The following SMARCAL1 variants were observed in gnomAD, a reference collection of about 807,000 sequenced individuals.
SMARCAL1 encodes SNF2 related chromatin remodeling annealing helicase 1, also known as ATP-driven annealing helicase.
Under a neutral mutation model 94.5 loss-of-function variants are expected in SMARCAL1, and 58 were observed. The observed-to-expected ratio is 0.61, with a 90% CI of 0.50 to 0.76. SMARCAL1 has a LOEUF of 0.76. Ranked by LOEUF, SMARCAL1 falls within the 30% of genes least tolerant of loss-of-function variation. The pLI, the probability that SMARCAL1 is intolerant of heterozygous loss-of-function variation, is 0.00. For missense variants in SMARCAL1, 1,051 were observed against 1,177.9 expected (o/e 0.89, Z 1.58); for synonymous variants, 422 against 455.1 (o/e 0.93, Z 0.93).
At chr2:216,461,085 TG>T (rs1307700014) in intron 12 of SMARCAL1, among the ~76,000 whole-genome samples, 1 of 151,682 alleles carries the variant, frequency 6.6e-6, no homozygotes, top group Non-Finnish European at 1.5e-5. Context: ...TGTGTGTGTG[TG>T]TGTGTATGTG....
chr2:216,451,173 C>T, intron 12 of SMARCAL1, 109 bp downstream of exon 12: 2 of 894,008 alleles, frequency 2.2e-6, no homozygotes, highest in East Asian at 2.6e-5. Flanking sequence ...CTTTCTGTAA[C>T]CTTTTCCCTC....
intron 10 of SMARCAL1, among the ~76,000 whole-genome samples, chr2:216,445,476 A>G (rs1694290154): frequency 6.6e-6 from 1 of 152,060 alleles, no homozygotes; most frequent in African/African-American, 2.4e-5. Flanking sequence ...CTGACAGAAG[A>G]CCCTGGAGTT....
At chr2:216,438,057 C>A (rs935694711) in intron 9 of SMARCAL1, among the ~76,000 whole-genome samples, 7 of 152,232 alleles carry the variant, frequency 4.6e-5, no homozygotes, top group African/African-American at 1.4e-4. Flanking sequence ...GTGCAGGGCC[C>A]ATTATGGGGC....
At chr2:216,431,838 G>A (rs1693970633) in intron 7 of SMARCAL1, among the ~76,000 whole-genome samples, 1 of 152,174 alleles carries the variant, frequency 6.6e-6, no homozygotes, top group Admixed American at 6.5e-5. Context: ...AAAACTCAGT[G>A]CTGAGGTTGG....
intron 12 of SMARCAL1, chr2:216,451,343 C>A: frequency 2.2e-6 from 1 of 449,816 alleles, no homozygotes; most frequent in Non-Finnish European, 4.1e-6. Context: ...ATCAATATTC[C>A]GAATCCCTCA....
At chr2:216,442,321 G>A (rs1694214828) in intron 10 of SMARCAL1, among the ~76,000 whole-genome samples, 1 of 151,698 alleles carries the variant, frequency 6.6e-6, no homozygotes, top group Admixed American at 6.6e-5. Context: ...GGAGGCTGAG[G>A]TGGGAGAATC....
At chr2:216,415,650 AT>A in intron 3 of SMARCAL1, 135 bp downstream of exon 3, 1 of 850,954 alleles carries the variant, frequency 1.2e-6, no homozygotes, top group African/African-American at 1.7e-5. Flanking sequence ...AAATTTTTCA[AT>A]TTTAGCTTGT....
At chr2:216,463,420 G>A (rs1242264216) in intron 12 of SMARCAL1, among the ~76,000 whole-genome samples, 1 of 152,148 alleles carries the variant, frequency 6.6e-6, no homozygotes, top group East Asian at 1.9e-4. Flanking sequence ...AGGGCGGAAG[G>A]AACAAAGAGG....
In SMARCAL1 at chr2:216,467,865, T is replaced by C. The variant is rs571144553; in HGVS notation, c.2142-79T>C. The C allele has an allele frequency of 5.7e-6, 5 of 876,904 alleles. No individual in the cohort carries two copies. The East Asian group carries it at 9.9e-5, about 17-fold the overall frequency. 54.3% of individuals were successfully genotyped at this position (876,904 alleles called of 1,614,324 possible). Reference sequence around the variant, plus strand: ...CTTCTATGATCCCAGATAATAAGAATGTTTCAGTAACATACCAGAGACACA... The same window carrying C: ...CTTCTATGATCCCAGATAATAAGAACGTTTCAGTAACATACCAGAGACACA... On this transcript the variant is annotated intron_variant, in intron 13 of 17. Coordinates refer to ENST00000357276, the MANE Select transcript of SMARCAL1 (RefSeq NM_014140.4).
intron 4 of SMARCAL1, among the ~76,000 whole-genome samples, chr2:216,417,203 A>G (rs1693621500): frequency 6.6e-6 from 1 of 152,184 alleles, no homozygotes; most frequent in Non-Finnish European, 1.5e-5. Flanking sequence ...CAGTGATGGG[A>G]CAGCTCCCTG....
rs902897268 is a variant in SMARCAL1 at position 216,475,923 on chromosome 2, G to A, written c.2427+472G>A. Among the ~76,000 whole-genome samples, 1 of 151,938 alleles carries A rather than the reference G, an allele frequency of 6.6e-6. No individual in the cohort carries two copies. Among genetic ancestry groups the A allele is most frequent in the Non-Finnish European group, 1.5e-5 (1 of 68,002 alleles). On this transcript the variant is annotated intron_variant, in intron 15 of 17. Coordinates refer to ENST00000357276, the MANE Select transcript of SMARCAL1 (RefSeq NM_014140.4). This position sits in a 1 kb window ranked among gnomAD's most constrained non-coding sequence, Gnocchi z 4.4. ...AAGTTAGGGCACCGAGAGCTCAAGGGGTGAGGCAGGACTGCACTGCCATAA... is the reference window on the plus strand; with the variant it reads ...AAGTTAGGGCACCGAGAGCTCAAGGAGTGAGGCAGGACTGCACTGCCATAA...
chr2:216,477,212 A>G lies in SMARCAL1; in HGVS notation c.2528+3A>G. On this transcript the variant is annotated splice_donor_region_variant and intron_variant, in intron 16 of 17. Coordinates refer to ENST00000357276, the MANE Select transcript of SMARCAL1 (RefSeq NM_014140.4). ...GGCACAGCTGATGACTACCTTTGGT[A>G]TGGCTTGGTTGGGTGGCCTGGCAGT... 6.3e-7 allele frequency: 1 copy of G among 1,580,990 alleles called. No individual in the cohort carries two copies. The highest frequency in any genetic ancestry group is 8.6e-7 in the Non-Finnish European group (1 of 1,162,318).
chr2:216,481,386 G>T (rs1385026647), intron 17 of SMARCAL1, among the ~76,000 whole-genome samples: 1 of 152,110 alleles, frequency 6.6e-6, no homozygotes, highest in Non-Finnish European at 1.5e-5. Context: ...GATAGAGATG[G>T]GGTTTTGCCA....
intron 16 of SMARCAL1, among the ~76,000 whole-genome samples, chr2:216,477,776 C>T (rs1277484516): frequency 6.6e-6 from 1 of 152,126 alleles, no homozygotes; most frequent in East Asian, 1.9e-4. Flanking sequence ...CTTCCTGATA[C>T]AAAATTTCTT....
intron 14 of SMARCAL1, among the ~76,000 whole-genome samples, chr2:216,473,682 CA>C (rs1330057986): frequency 1.3e-5 from 2 of 151,678 alleles, no homozygotes; most frequent in African/African-American, 4.8e-5. Context: ...CCATACACAT[CA>C]AAAAAAGAGA....
chr2:216,435,477 C>T lies in SMARCAL1; in HGVS notation c.1625C>T (p.Pro542Leu). 2 of 1,614,122 alleles carry T rather than the reference C, an allele frequency of 1.2e-6. No homozygotes were observed. Among genetic ancestry groups the T allele is most frequent in the Non-Finnish European group, 1.7e-6 (2 of 1,179,986 alleles). The change falls in exon 9 of 18, where the codon CCT (proline) becomes CTT (leucine). Residue 542 changes from proline (P) to leucine (L), a missense_variant. Pro to Leu is a moderately conservative substitution (Grantham distance 98, BLOSUM62 -3). Around this residue, in one of 3 missense-constraint regions of SMARCAL1, gnomAD observed 642 missense variants for 754.7 expected, o/e 0.85. Coordinates refer to ENST00000357276, the MANE Select transcript of SMARCAL1 (RefSeq NM_014140.4). ...LSKLEKQLKTPFKVVIIDESH... is the reference protein window; with the variant it reads ...LSKLEKQLKTLFKVVIIDESH... Reference sequence around the variant, plus strand: ...AAGTTGGAAAAACAGCTAAAAACCCCTTTTAAAGTTGTCATCATTGTAAGA... The same window carrying T: ...AAGTTGGAAAAACAGCTAAAAACCCTTTTTAAAGTTGTCATCATTGTAAGA...
Position 216,475,556 on chromosome 2 carries a change from C to A in SMARCAL1, c.2427+105C>A. 8.9e-7 allele frequency: 1 copy of A among 1,127,766 alleles called. No homozygotes were observed. Among genetic ancestry groups the A allele is most frequent in the Non-Finnish European group, 1.3e-6 (1 of 744,684 alleles). 69.9% of individuals were successfully genotyped at this position (1,127,766 alleles called of 1,614,324 possible). A position where few individuals can be genotyped will look rare whatever the true frequency, so the allele number is the denominator to read the frequency against. ...AAGTGTGGTTTCCCTTTTATCCATT[C>A]ATTATACTTCCCACAAGTCAGTTTT... On this transcript the variant is annotated intron_variant, in intron 15 of 17. Coordinates refer to ENST00000357276, the MANE Select transcript of SMARCAL1 (RefSeq NM_014140.4). The surrounding 1 kb of genome is among the most constrained non-coding windows in gnomAD (Gnocchi z 4.4).
At position 216,432,756 on chromosome 2, in the gene SMARCAL1, A is replaced by G; in HGVS notation, c.1373A>G (p.Asp458Gly). The change falls in exon 8 of 18, where the codon GAC (aspartate) becomes GGC (glycine). Residue 458 changes from aspartate to glycine, a missense_variant. Transcript: ENST00000357276. ...AAAGGAGGCCGCCTGCTGCTCGCTGACGACATGGGCCTGGGGAAGACCATC... is the reference window on the plus strand; with the variant it reads ...AAAGGAGGCCGCCTGCTGCTCGCTGGCGACATGGGCCTGGGGAAGACCATC... ...IAKGGRLLLA[D>G]DMGLGKTIQA... 1 of 1,614,134 alleles carries G rather than the reference A, an allele frequency of 6.2e-7. No homozygotes were observed. Among genetic ancestry groups the G allele is most frequent in the Non-Finnish European group, 8.5e-7 (1 of 1,180,032 alleles).
chr2:216,435,151 C>T (rs1329817580), intron 8 of SMARCAL1, among the ~76,000 whole-genome samples, 187 bp from the exon 9 acceptor site: 1 of 152,096 alleles, frequency 6.6e-6, no homozygotes, highest in Non-Finnish European at 1.5e-5. Context: ...AGCGACCGCA[C>T]CCGTCTCCCC....
Sources: allele counts gnomAD v4.1 joint callset (sites outside exome capture counted in the v4.1 genomes callset), GRCh38; gene constraint gnomAD v4.1.1; regional missense constraint gnomAD v4.1.1; non-coding constraint Gnocchi (gnomAD v3.1); transcripts MANE v1.5; gene names NCBI Gene and HGNC (gene_info 2026-07-23, HGNC 2026-07-21).